The following EYA1 variants were observed in gnomAD, a reference collection of about 807,000 sequenced individuals.
The protein encoded by EYA1 is EYA transcriptional coactivator and phosphatase 1, also known as protein phosphatase EYA1.
In EYA1, 16 loss-of-function variants were observed where a neutral mutation model predicts 82.0. That is an observed-to-expected ratio of 0.20 (90% CI 0.13 to 0.30). EYA1 has a LOEUF of 0.30. Ranked by LOEUF, EYA1 falls within the 10% of genes least tolerant of loss-of-function variation. The probability of loss-of-function intolerance (pLI) is 1.00; values close to 1 mark genes in which losing one functional copy is unlikely to be tolerated. For synonymous variants in EYA1, 261 were observed against 264.4 expected, an observed-to-expected ratio of 0.99 and a Z score of 0.12; for missense variants, 633 against 730.7, an observed-to-expected ratio of 0.87 and a Z score of 1.54.
intron 2 of EYA1, among the ~76,000 whole-genome samples, chr8:71,522,916 G>C (rs991634318): frequency 6.6e-5 from 10 of 152,022 alleles, no homozygotes; most frequent in African/African-American, 2.2e-4. Flanking sequence ...GACCTCAAGC[G>C]TTTTGGCAAC....
At chr8:71,406,971 C>A (rs1830282043) in intron 2 of EYA1, among the ~76,000 whole-genome samples, 1 of 137,058 alleles carries the variant, frequency 7.3e-6, no homozygotes, top group Non-Finnish European at 1.6e-5. Context: ...CTTAAATGTC[C>A]CTGTCTGACA....
At chr8:71,218,849 A>G (rs973995015) in intron 12 of EYA1, among the ~76,000 whole-genome samples, 4 of 152,034 alleles carry the variant, frequency 2.6e-5, no homozygotes, top group Non-Finnish European at 5.9e-5. Flanking sequence ...GGGGAAGGCC[A>G]TAGCGCCATG....
At position 71,299,097 on chromosome 8, in the gene EYA1, T is replaced by C; in HGVS notation, c.776A>G (p.Gln259Arg). 1 of 1,614,168 alleles carries C rather than the reference T, an allele frequency of 6.2e-7. No homozygotes were observed. The highest frequency in any genetic ancestry group is 1.1e-5 in the South Asian group (1 of 91,078). The change falls in exon 9 of 18, where the codon CAA becomes CGA. Residue 259 changes from glutamine (Q) to arginine (R), a missense_variant. Physicochemically the swap from Gln to Arg is conservative, Grantham distance 43. Coordinates refer to ENST00000340726, the MANE Select transcript of EYA1 (RefSeq NM_000503.6). The part of the protein sequence containing the change: ...TPSTNATYQL[Q>R]EPPSGITSQA... ...GCTGGTGATGCCAGATGGCGGTTCT[T>C]GAAGCTGGTAAGTGGCATTGGTGGA...
At chr8:71,493,940 G>A (rs1173414193) in intron 2 of EYA1, among the ~76,000 whole-genome samples, 4 of 141,550 alleles carry the variant, frequency 2.8e-5, no homozygotes, top group East Asian at 2.1e-4. Context: ...GGAGAATGGC[G>A]TGATCCCGGG....
intron 1 of EYA1, among the ~76,000 whole-genome samples, chr8:71,546,203 C>G (rs1317432217): frequency 6.6e-6 from 1 of 152,190 alleles, no homozygotes; most frequent in East Asian, 1.9e-4. Flanking sequence ...CCTTGCACAC[C>G]TATTTTTTTC....
chr8:71,439,893 T>G (rs1312065757), intron 2 of EYA1, among the ~76,000 whole-genome samples: 1 of 152,184 alleles, frequency 6.6e-6, no homozygotes, highest in African/African-American at 2.4e-5. Flanking sequence ...GCAATAAATG[T>G]GTTCAGACAC....
At chr8:71,242,559 T>C (rs1293391358) in intron 12 of EYA1, among the ~76,000 whole-genome samples, 1 of 152,142 alleles carries the variant, frequency 6.6e-6, no homozygotes, top group East Asian at 1.9e-4. Flanking sequence ...AAAATACATC[T>C]CCTATACCCT....
intron 2 of EYA1, among the ~76,000 whole-genome samples, chr8:71,470,257 T>C (rs1013106800): frequency 2.6e-5 from 4 of 152,118 alleles, no homozygotes; most frequent in Non-Finnish European, 5.9e-5. Context: ...ATTGCATATT[T>C]TGTTTCAAAT....
rs2129284223 is a variant in EYA1 at position 71,532,024 on chromosome 8, T to C, written c.33+3720A>G. Among the ~76,000 whole-genome samples, 3 of 152,318 alleles carry C rather than the reference T, an allele frequency of 2.0e-5. No homozygotes were observed. In the South Asian group the frequency reaches 6.2e-4, roughly 32 times the overall value. The stretch of plus-strand genomic sequence containing the variant: ...GAAGTAACTTCACCTCTGCCCATGG[T>C]CTTTCATCATAGGATGGACACATTT... On this transcript the variant is annotated intron_variant, in intron 2 of 18. Coordinates refer to the EYA1 transcript ENST00000643681.
chr8:71,477,637 G>A lies in EYA1; in HGVS notation c.33+58107C>T, dbSNP rs1243001140. Among the ~76,000 whole-genome samples the A allele has an allele frequency of 2.0e-5, 3 of 151,950 alleles. No homozygotes were observed. The South Asian group carries it at 6.2e-4, about 32-fold the overall frequency. The stretch of plus-strand genomic sequence containing the variant: ...GTATTGCAGTGGGGGATGTGCAATG[G>A]TGCAAACACTGTGGTAAAAATTTTG... On this transcript the variant is annotated intron_variant, in intron 2 of 18. Coordinates refer to the EYA1 transcript ENST00000643681.
At chr8:71,547,931 A>C (rs2129297938) in exon 1 of EYA1, 1 of 152,214 alleles carries the variant, frequency 6.6e-6, no homozygotes, top group Admixed American at 6.5e-5. Flanking sequence ...GAAAATGGGT[A>C]ACAGAGAGGC....
At chr8:71,408,737 C>G (rs1830421107) in intron 2 of EYA1, among the ~76,000 whole-genome samples, 1 of 134,598 alleles carries the variant, frequency 7.4e-6, no homozygotes, top group African/African-American at 3.0e-5. Context: ...TCCTGAGTGA[C>G]CTACAAAGAG....
At chr8:71,374,535 A>C (rs904783437) in intron 2 of EYA1, among the ~76,000 whole-genome samples, 6 of 152,216 alleles carry the variant, frequency 3.9e-5, no homozygotes, top group African/African-American at 1.2e-4. Flanking sequence ...GCCATTGATG[A>C]GAATGTAATT....
chr8:71,477,823 G>A (rs979817325), intron 2 of EYA1, among the ~76,000 whole-genome samples: 4 of 152,100 alleles, frequency 2.6e-5, no homozygotes, highest in African/African-American at 9.7e-5. Context: ...ATAGCCAAAT[G>A]CAAACATCTA....
intron 2 of EYA1, among the ~76,000 whole-genome samples, chr8:71,481,215 T>C (rs1017419927): frequency 1.3e-5 from 2 of 152,176 alleles, no homozygotes; most frequent in African/African-American, 2.4e-5. Flanking sequence ...ATAATAAAGT[T>C]GGACATTAAA....
intron 7 of EYA1, among the ~76,000 whole-genome samples, chr8:71,301,781 T>C (rs1298263381): frequency 6.6e-6 from 1 of 152,196 alleles, no homozygotes; most frequent in South Asian, 2.1e-4. Flanking sequence ...TTAATGTTCA[T>C]TTGCATGTGG....
At chr8:71,536,806 C>T (rs1239569056) in intron 1 of EYA1, among the ~76,000 whole-genome samples, 1 of 152,138 alleles carries the variant, frequency 6.6e-6, no homozygotes, top group African/African-American at 2.4e-5. Context: ...TACATGCTCA[C>T]ATATTAGGAA....
At chr8:71,478,777 TCAGAGTCCTACA>T (rs762589274) in intron 2 of EYA1, among the ~76,000 whole-genome samples, 1 of 152,028 alleles carries the variant, frequency 6.6e-6, no homozygotes, top group Non-Finnish European at 1.5e-5. Flanking sequence ...TCTTCATGAG[TCAGAGTCCTACA>T]CAGAAGAAAC....
intron 11 of EYA1, among the ~76,000 whole-genome samples, chr8:71,245,859 C>T (rs562866990): frequency 1.4e-4 from 21 of 152,170 alleles, no homozygotes; most frequent in Non-Finnish European, 2.5e-4. Flanking sequence ...CAGCCCATGC[C>T]ATACTCAGAG....
Sources: gnomAD v4.1 joint callset for allele counts (sites outside exome capture counted in the v4.1 genomes callset) on GRCh38, gnomAD v4.1.1 for gene constraint, MANE v1.5 for transcripts, NCBI Gene and HGNC (gene_info 2026-07-23, HGNC 2026-07-21) for gene names.